PABPC4L: variants seen among roughly 807,000 people sequenced by gnomAD.
PABPC4L encodes the protein polyadenylate-binding protein 4-like.
For synonymous variants in PABPC4L, 169 were observed against 164.1 expected (o/e 1.03, Z -0.23); for missense variants, 452 against 451.4 (o/e 1.00, Z -0.01).
the PABPC4L span, among the ~76,000 whole-genome samples, chr4:134,090,770 A>C: frequency 6.6e-6 from 1 of 151,942 alleles, no homozygotes; most frequent in African/African-American, 2.4e-5. Context: ...CTCAAAAAAA[A>C]AAATAAAAAG....
In PABPC4L at chr4:134,196,529, T is replaced by G. The variant is rs1057057571; in HGVS notation, c.*3378A>C. On this transcript the variant is annotated 3_prime_UTR_variant, in exon 2 of 2. Transcript: ENST00000421491. ...ATGGCTGTACATGTAAGCAGGTAAC[T>G]ACACAGCAGACGTGGCAATATGTGT... 6.6e-6 allele frequency: 1 copy of G among 151,800 alleles called. No homozygotes were observed. The highest frequency in any genetic ancestry group is 2.4e-5 in the African/African-American group (1 of 41,428). 9.4% of individuals were successfully genotyped at this position (151,800 alleles called of 1,614,324 possible).
the PABPC4L span, among the ~76,000 whole-genome samples, chr4:134,120,418 T>A: frequency 6.7e-6 from 1 of 149,632 alleles, no homozygotes; most frequent in East Asian, 1.9e-4. Flanking sequence ...CTAATATAAA[T>A]TTTTAATATT....
At chr4:134,024,803 T>A in the PABPC4L span, among the ~76,000 whole-genome samples, 1 of 150,532 alleles carries the variant, frequency 6.6e-6, no homozygotes, top group African/African-American at 2.4e-5. Flanking sequence ...GTCTTTATAA[T>A]AAACTAGCTT....
Position 134,200,556 on chromosome 4 carries a change from T to A in PABPC4L, c.464A>T (p.Glu155Val), listed in dbSNP as rs1578885605. 6.4e-7 allele frequency: 1 copy of A among 1,551,554 alleles called. No individual in the cohort carries two copies. Among genetic ancestry groups the A allele is most frequent in the South Asian group, 1.2e-5 (1 of 84,074 alleles). ...QNQSAADRAIEEMNGKLLKGC... is the reference protein window; with the variant it reads ...QNQSAADRAIVEMNGKLLKGC... Reference sequence around the variant, plus strand: ...CTTGAGTAGTTTTCCATTCATCTCCTCAATGGCCCTGTCTGCAGCACTCTG... The same window carrying A: ...CTTGAGTAGTTTTCCATTCATCTCCACAATGGCCCTGTCTGCAGCACTCTG... Residue 155 changes from glutamate to valine, a missense_variant, in exon 2 of 2, where the codon GAG (glutamate) becomes GTG (valine). By Grantham distance (121) the Glu-to-Val change is moderately radical. Coordinates refer to ENST00000421491, the MANE Select transcript of PABPC4L (RefSeq NM_001114734.2).
the PABPC4L span, among the ~76,000 whole-genome samples, chr4:134,091,300 G>GT: frequency 4.5e-4 from 67 of 147,340 alleles, no homozygotes; most frequent in Admixed American, 7.5e-4. Context: ...CTAATGGGCA[G>GT]TTTTTTTTTT....
chr4:134,058,906 G>A, the PABPC4L span, among the ~76,000 whole-genome samples: 1 of 151,980 alleles, frequency 6.6e-6, no homozygotes, highest in African/African-American at 2.4e-5. Context: ...AGTTTAGAGT[G>A]TTAACTGATT....
At chr4:134,122,991 G>T in the PABPC4L span, among the ~76,000 whole-genome samples, 1 of 151,926 alleles carries the variant, frequency 6.6e-6, no homozygotes, top group Admixed American at 6.6e-5. Flanking sequence ...ATCATTTACA[G>T]TAGTTACATT....
the PABPC4L span, among the ~76,000 whole-genome samples, chr4:134,181,362 G>C: frequency 6.6e-6 from 1 of 151,754 alleles, no homozygotes; most frequent in African/African-American, 2.4e-5. Flanking sequence ...GCATTAAAGG[G>C]ACATACCTCA....
chr4:134,150,237 C>A, the PABPC4L span, among the ~76,000 whole-genome samples: 2 of 151,942 alleles, frequency 1.3e-5, no homozygotes, highest in Non-Finnish European at 2.9e-5. Context: ...GCGCCCACCA[C>A]CATGCTCGGC....
At chr4:134,117,370 A>C in the PABPC4L span, among the ~76,000 whole-genome samples, 8 of 151,842 alleles carry the variant, frequency 5.3e-5, no homozygotes, top group Non-Finnish European at 7.4e-5. Context: ...ACAGTTACGC[A>C]TGAGGAGAGA....
chr4:134,016,834 A>G, the PABPC4L span, among the ~76,000 whole-genome samples: 1 of 152,178 alleles, frequency 6.6e-6, no homozygotes, highest in South Asian at 2.1e-4. Flanking sequence ...CCCCTCAGGG[A>G]TTGTCCAGGC....
chr4:134,163,497 A>G, the PABPC4L span, among the ~76,000 whole-genome samples: 1 of 152,180 alleles, frequency 6.6e-6, no homozygotes, highest in African/African-American at 2.4e-5. Flanking sequence ...TCTCTTATTC[A>G]TTCTGTGAAG....
the PABPC4L span, among the ~76,000 whole-genome samples, chr4:134,124,146 A>AAACC: frequency 2.9e-3 from 434 of 152,212 alleles, 2 homozygotes; most frequent in Non-Finnish European, 4.1e-3. Flanking sequence ...TATACCTGTA[A>AAACC]TAAGTACTGT....
the PABPC4L span, among the ~76,000 whole-genome samples, chr4:134,074,868 G>A: frequency 6.6e-6 from 1 of 152,224 alleles, no homozygotes; most frequent in South Asian, 2.1e-4. Context: ...CTGGCCCCAT[G>A]ATTCAATTAC....
At chr4:134,194,820 A>T (rs970593446), downstream of PABPC4L, among the ~76,000 whole-genome samples, 3 of 151,766 alleles carry the variant, frequency 2.0e-5, no homozygotes, top group Admixed American at 6.6e-5. Flanking sequence ...ATAGTAGCAC[A>T]AGAAAAGTTT....
chr4:134,132,989 T>C, the PABPC4L span, among the ~76,000 whole-genome samples: 1 of 134,922 alleles, frequency 7.4e-6, no homozygotes, highest in South Asian at 2.2e-4. Context: ...ATATAATTAA[T>C]ATATATGATA....
At chr4:134,049,980 C>T in the PABPC4L span, among the ~76,000 whole-genome samples, 1 of 152,072 alleles carries the variant, frequency 6.6e-6, no homozygotes, top group African/African-American at 2.4e-5. Context: ...ATTTTAAACT[C>T]CTTTCACTGG....
At chr4:133,954,082 C>T in the PABPC4L span, among the ~76,000 whole-genome samples, 10 of 152,186 alleles carry the variant, frequency 6.6e-5, no homozygotes, top group African/African-American at 1.2e-4. Context: ...TCTTAATGTC[C>T]TTCTTACATT....
the PABPC4L span, among the ~76,000 whole-genome samples, chr4:134,161,159 CAG>C: frequency 6.6e-6 from 1 of 151,564 alleles, no homozygotes; most frequent in Non-Finnish European, 1.5e-5. Context: ...AAAAATGCAT[CAG>C]AGTTTCTCAA....
Sources: allele counts gnomAD v4.1 joint callset (sites outside exome capture counted in the v4.1 genomes callset), GRCh38; gene constraint gnomAD v4.1.1; transcripts MANE v1.5; gene names NCBI Gene and HGNC (gene_info 2026-07-23, HGNC 2026-07-21).